Variants in LIPM observed in about 807,000 individuals in gnomAD.
LIPM encodes lipase family member M, also known as lipase member M.
In LIPM, 42 loss-of-function variants were observed where a neutral mutation model predicts 42.4. The ratio of observed to expected loss-of-function variants is 0.99; its 90% CI spans 0.77 to 1.28. The LOEUF is 1.28. LIPM is among the 50% of genes most tolerant of loss of function. The pLI, the probability that LIPM is intolerant of heterozygous loss-of-function variation, is 0.00. For missense variants in LIPM, 524 were observed against 520.1 expected, an observed-to-expected ratio of 1.01 and a Z score of -0.07; for synonymous variants, 177 against 173.3, an observed-to-expected ratio of 1.02 and a Z score of -0.17.
chr10:88,805,954 C>T (rs1260579543), intron 1 of LIPM: 3 of 456,592 alleles, frequency 6.6e-6, no homozygotes, highest in South Asian at 1.5e-5. Context: ...AACTGCTCTT[C>T]AGAGATGTCC....
intron 1 of LIPM, among the ~76,000 whole-genome samples, chr10:88,807,432 G>A (rs1171593496): frequency 6.6e-6 from 1 of 152,164 alleles, no homozygotes; most frequent in East Asian, 1.9e-4. Flanking sequence ...AGCCCCTGAT[G>A]CAAATGGTTC....
At chr10:88,819,037 G>A (rs1006565510) in intron 8 of LIPM, among the ~76,000 whole-genome samples, 12 of 150,790 alleles carry the variant, frequency 8.0e-5, no homozygotes, top group Admixed American at 5.9e-4. Flanking sequence ...ACAGGTGCAC[G>A]CCACCATGCT....
At position 88,816,797 on chromosome 10, in the gene LIPM, T is replaced by G. The variant is rs1013481495; in HGVS notation, c.859-19T>G. The G allele has an allele frequency of 1.3e-6, 2 of 1,529,952 alleles. No individual in the cohort carries two copies. Among genetic ancestry groups the G allele is most frequent in the Non-Finnish European group, 1.8e-6 (2 of 1,127,168 alleles). The allele number at this position is 1,529,952 out of a possible 1,614,324, so 94.8% of individuals were successfully genotyped here. A position where few individuals can be genotyped will look rare whatever the true frequency, so the allele number is the denominator to read the frequency against. On this transcript the variant is annotated intron_variant, in intron 6 of 8. Transcript: ENST00000404743. ...GTGAGTTTTTCTATGTCCCCCAGAA[T>G]ACTCATGGTTTGTTACAGAGCCGAG... is the stretch of plus-strand genomic sequence containing the variant.
chr10:88,802,951 C>A lies in LIPM; in HGVS notation c.55C>A (p.Leu19Ile). 1 of 1,551,190 alleles carries A rather than the reference C, an allele frequency of 6.4e-7. No individual in the cohort carries two copies. Among genetic ancestry groups the A allele is most frequent in the South Asian group, 1.2e-5 (1 of 84,012 alleles). Residue 19 changes from leucine (L) to isoleucine (I), a missense_variant, in exon 1 of 9, where the codon CTT becomes ATT. Coordinates refer to ENST00000404743, the MANE Select transcript of LIPM (RefSeq NM_001128215.1). ...TGTCTCACACAGAATGGAAATGTGG[C>A]TTCTGATTCTGGTGGCGTATATGTT... ...WIVSHRMEMW[L>I]LILVAYMFQR...
intron 8 of LIPM, 42 bp downstream of exon 8, chr10:88,817,938 G>C: frequency 4.4e-6 from 6 of 1,362,540 alleles, no homozygotes; most frequent in Middle Eastern, 1.8e-4. Flanking sequence ...ATATACATTG[G>C]AAATGTATGA....
chr10:88,804,450 A>G (rs947536779), intron 1 of LIPM, among the ~76,000 whole-genome samples: 3 of 152,252 alleles, frequency 2.0e-5, no homozygotes, highest in African/African-American at 7.2e-5. Flanking sequence ...ATTGGTGTAA[A>G]TTCAACAAAA....
chr10:88,803,909 C>T (rs760500172), intron 1 of LIPM, among the ~76,000 whole-genome samples: 36 of 152,206 alleles, frequency 2.4e-4, no homozygotes, highest in Admixed American at 1.7e-3. Flanking sequence ...ATAAATACTA[C>T]GCAATAAACC....
At chr10:88,816,373 T>C (rs1383358274) in intron 6 of LIPM, among the ~76,000 whole-genome samples, 4 of 152,214 alleles carry the variant, frequency 2.6e-5, no homozygotes, top group Admixed American at 1.3e-4. Flanking sequence ...ATATGAAAAG[T>C]ATATATTATG....
chr10:88,814,844 A>G (rs1334222177), intron 4 of LIPM, among the ~76,000 whole-genome samples: 1 of 152,194 alleles, frequency 6.6e-6, no homozygotes, highest in African/African-American at 2.4e-5. Flanking sequence ...TAGATATAGC[A>G]TATCTCTCAA....
At chr10:88,810,470 T>C (rs1050247079) in intron 2 of LIPM, among the ~76,000 whole-genome samples, 3 of 150,820 alleles carry the variant, frequency 2.0e-5, no homozygotes, top group Admixed American at 1.3e-4. Context: ...TAGTGGCCAA[T>C]GTTGTTGGCA....
chr10:88,807,091 A>G (rs918097400), intron 1 of LIPM, among the ~76,000 whole-genome samples: 1 of 152,196 alleles, frequency 6.6e-6, no homozygotes, highest in African/African-American at 2.4e-5. Context: ...TTTTAATTAT[A>G]GTGGTAGTTA....
chr10:88,818,917 T>C (rs1025232716), intron 8 of LIPM, among the ~76,000 whole-genome samples: 47 of 152,192 alleles, frequency 3.1e-4, no homozygotes, highest in Non-Finnish European at 1.3e-4. Context: ...AGACAGAATC[T>C]TGCTCTGTCA....
intron 3 of LIPM, 95 bp downstream of exon 3, chr10:88,813,390 T>C: frequency 2.0e-6 from 2 of 1,019,910 alleles, no homozygotes; most frequent in Non-Finnish European, 2.8e-6. Flanking sequence ...TGATTTATTT[T>C]GGTTGAGTCA....
Position 88,813,227 on chromosome 10 carries a change from C to T in LIPM, c.396C>T (p.Ser132=), listed in dbSNP as rs1393401380. 6.2e-7 allele frequency: 1 copy of T among 1,613,542 alleles called. No individual in the cohort carries two copies. Among genetic ancestry groups the T allele is most frequent in the South Asian group, 1.1e-5 (1 of 91,034 alleles). ...DAGFDVWMGN[S]RGNAWSRKHK... is the part of the protein sequence containing the mutation. ...GTTTTGACGTGTGGATGGGGAACAGCAGGGGAAACGCCTGGTCTCGAAAAC... is the reference window on the plus strand; with the variant it reads ...GTTTTGACGTGTGGATGGGGAACAGTAGGGGAAACGCCTGGTCTCGAAAAC... Residue 132 remains serine, a synonymous_variant, in exon 3 of 9, where the codon AGC becomes AGT. Transcript: ENST00000404743.
intron 6 of LIPM, 39 bp from the exon 7 acceptor site, chr10:88,816,777 T>C: frequency 7.0e-7 from 1 of 1,434,552 alleles, no homozygotes. Flanking sequence ...ATCTTGTGAG[T>C]TTTTCTATGT....
intron 6 of LIPM, among the ~76,000 whole-genome samples, chr10:88,816,466 T>C (rs1455074127): frequency 1.3e-5 from 2 of 152,168 alleles, no homozygotes; most frequent in African/African-American, 4.8e-5. Context: ...TAAGATTTAG[T>C]AGATTAAGTG....
intron 4 of LIPM, 37 bp from the exon 5 acceptor site, chr10:88,815,051 A>G (rs1843701079): frequency 1.3e-6 from 2 of 1,508,184 alleles, no homozygotes; most frequent in African/African-American, 2.8e-5. Flanking sequence ...TTCTAAAAAT[A>G]TTTCGTATTC....
rs971187104 is a variant in LIPM at position 88,820,186 on chromosome 10, A to G, written c.1003-46A>G. The G allele has an allele frequency of 2.7e-6, 4 of 1,459,244 alleles. No individual in the cohort carries two copies. The Admixed American group carries it at 8.8e-5, about 32-fold the overall frequency. 90.4% of individuals were successfully genotyped at this position (1,459,244 alleles called of 1,614,324 possible). On this transcript the variant is annotated intron_variant, in intron 8 of 8. Transcript: ENST00000404743. ...ATTTGAAACATAAATTATGAGCCTG[A>G]AAGTCCAAATGTTACCTAGAGTTAA...
Position 88,802,885 on chromosome 10 carries a change from A to G in LIPM, c.-12A>G. The G allele has an allele frequency of 6.5e-7, 1 of 1,527,614 alleles. No individual in the cohort carries two copies. The highest frequency in any genetic ancestry group is 1.4e-5 in the African/African-American group (1 of 71,724). The allele number at this position is 1,527,614 out of a possible 1,614,324, so 94.6% of individuals were successfully genotyped here. ...TACATTGGCAGGAAAAAATAAATGCAGATGTTGGACCATGTTGGAAACCTT... is the reference window on the plus strand; with the variant it reads ...TACATTGGCAGGAAAAAATAAATGCGGATGTTGGACCATGTTGGAAACCTT... On this transcript the variant is annotated 5_prime_UTR_variant, in exon 1 of 9. Transcript: ENST00000404743.
Sources: allele counts gnomAD v4.1 joint callset (sites outside exome capture counted in the v4.1 genomes callset), GRCh38; gene constraint gnomAD v4.1.1; transcripts MANE v1.5; gene names NCBI Gene and HGNC (gene_info 2026-07-23, HGNC 2026-07-21).